GNG7: variants seen among roughly 807,000 people sequenced by gnomAD.
GNG7 encodes guanine nucleotide-binding protein G(I)/G(S)/G(O) subunit gamma-7.
GNG7 carries 1 observed loss-of-function variant against 4.0 expected under a neutral mutation model. That is an observed-to-expected ratio of 0.25 (90% CI 0.09 to 1.18). The LOEUF (loss-of-function observed/expected upper bound fraction) is 1.18. Ranked by LOEUF, GNG7 falls within the 50% of genes most tolerant of loss-of-function variation. The pLI, the probability that GNG7 is intolerant of heterozygous loss-of-function variation, is 0.50. For synonymous variants in GNG7, 34 were observed against 36.9 expected (o/e 0.92, Z 0.29); for missense variants, 86 against 91.9 (o/e 0.94, Z 0.26).
chr19:2,677,608 C>T (rs1983627015), intron 1 of GNG7, among the ~76,000 whole-genome samples: 1 of 152,196 alleles, frequency 6.6e-6, no homozygotes, highest in Non-Finnish European at 1.5e-5. Flanking sequence ...CGATTCTCCT[C>T]CTCTCTCCCT....
intron 2 of GNG7, among the ~76,000 whole-genome samples, chr19:2,635,187 ATGAG>A (rs1982273455): frequency 1.3e-5 from 2 of 152,150 alleles, no homozygotes; most frequent in African/African-American, 2.4e-5. Flanking sequence ...ATTGCCCCAG[ATGAG>A]TGAGGACAGA....
At chr19:2,657,510 C>G (rs1211686153) in intron 1 of GNG7, among the ~76,000 whole-genome samples, 6 of 149,968 alleles carry the variant, frequency 4.0e-5, no homozygotes, top group African/African-American at 1.5e-4. Context: ...TCATGTCCTG[C>G]TTTATAGGAC....
chr19:2,691,353 G>A (rs1913130937), intron 1 of GNG7, among the ~76,000 whole-genome samples: 1 of 151,946 alleles, frequency 6.6e-6, no homozygotes, highest in Non-Finnish European at 1.5e-5. Flanking sequence ...AGACCAACCT[G>A]GGCAACATGG....
At position 2,611,010 on chromosome 19, in the gene GNG7, G is replaced by C. The variant is rs958293337; in HGVS notation, c.-78+35214C>G. 7 of 121,964 alleles carry C rather than the reference G, an allele frequency of 5.7e-5. No individual in the cohort carries two copies. Among genetic ancestry groups the C allele is most frequent in the African/African-American group, 8.6e-5 (3 of 34,696 alleles). 7.6% of individuals were successfully genotyped at this position (121,964 alleles called of 1,614,324 possible). Reference sequence around the variant, plus strand: ...CGGGCTCACGTGCCAGGCTCGGGGGGGGGGAAGCGTCCTCAACATTCTCAG... The same window carrying C: ...CGGGCTCACGTGCCAGGCTCGGGGGCGGGGAAGCGTCCTCAACATTCTCAG... On this transcript the variant is annotated intron_variant, in intron 2 of 4. Transcript: ENST00000382159. This position sits in a 1 kb window ranked among gnomAD's most constrained non-coding sequence, Gnocchi z 6.0.
intron 2 of GNG7, among the ~76,000 whole-genome samples, chr19:2,608,770 C>T (rs1312955490): frequency 5.3e-5 from 8 of 152,230 alleles, no homozygotes; most frequent in Admixed American, 5.2e-4. Flanking sequence ...GGGCCTGCTG[C>T]GTTCCCCACT....
chr19:2,568,425 CACAT>C (rs1332117955), intron 2 of GNG7, among the ~76,000 whole-genome samples: 6 of 146,860 alleles, frequency 4.1e-5, no homozygotes, highest in Non-Finnish European at 7.5e-5. Flanking sequence ...TAGACATACA[CACAT>C]ACATATACAT....
chr19:2,677,777 G>A (rs1983630662), intron 1 of GNG7, among the ~76,000 whole-genome samples: 1 of 151,698 alleles, frequency 6.6e-6, no homozygotes, highest in South Asian at 2.1e-4. Flanking sequence ...ACTGGGCAAT[G>A]TCTGGGGACA....
chr19:2,636,905 C>G (rs1398597344), intron 2 of GNG7, among the ~76,000 whole-genome samples: 3 of 151,968 alleles, frequency 2.0e-5, no homozygotes, highest in African/African-American at 7.3e-5. Context: ...CCCACCTGAA[C>G]CCAACTACGC....
intron 3 of GNG7, among the ~76,000 whole-genome samples, chr19:2,544,985 C>T (rs563501815): frequency 6.6e-6 from 1 of 152,308 alleles, no homozygotes; most frequent in South Asian, 2.1e-4. Context: ...TGGTGTGAAC[C>T]AGGGGGACCC....
At chr19:2,602,901 C>CTTTTCTTTCT (rs377361649) in intron 2 of GNG7, among the ~76,000 whole-genome samples, 7 of 148,844 alleles carry the variant, frequency 4.7e-5, no homozygotes, top group Admixed American at 1.3e-4. Context: ...TTCTCTTTTT[C>CTTTTCTTTCT]TTTCTTTCTT....
chr19:2,648,991 C>T (rs371262587), intron 1 of GNG7, among the ~76,000 whole-genome samples: 2 of 151,308 alleles, frequency 1.3e-5, no homozygotes, highest in African/African-American at 4.9e-5. Context: ...TGGGCTCAAG[C>T]GATCCTCCTT....
At chr19:2,526,948 C>G (rs1013397478) in intron 3 of GNG7, among the ~76,000 whole-genome samples, 5 of 151,960 alleles carry the variant, frequency 3.3e-5, no homozygotes, top group Non-Finnish European at 5.9e-5. Context: ...TGAGTTCATG[C>G]CATTCTCCTG....
At chr19:2,625,025 C>T (rs1300798755) in intron 2 of GNG7, among the ~76,000 whole-genome samples, 2 of 152,160 alleles carry the variant, frequency 1.3e-5, no homozygotes, top group South Asian at 2.1e-4. Flanking sequence ...CCTGGGGGCT[C>T]GGGCCCTGTG....
At chr19:2,689,937 G>A (rs189366750) in intron 1 of GNG7, among the ~76,000 whole-genome samples, 1 of 152,272 alleles carries the variant, frequency 6.6e-6, no homozygotes, top group Non-Finnish European at 1.5e-5. Flanking sequence ...AGAATACACA[G>A]AGCAGTGTGC....
At chr19:2,537,728 T>C (rs1209679161) in intron 3 of GNG7, among the ~76,000 whole-genome samples, 1 of 151,610 alleles carries the variant, frequency 6.6e-6, no homozygotes, top group Non-Finnish European at 1.5e-5. Flanking sequence ...GGGGTTGTGG[T>C]GTTAGGCTGG....
chr19:2,550,069 C>T (rs1313946626), intron 3 of GNG7, among the ~76,000 whole-genome samples: 1 of 152,234 alleles, frequency 6.6e-6, no homozygotes, highest in Non-Finnish European at 1.5e-5. Flanking sequence ...GGAAATGTGG[C>T]TGCCTTGGGT....
chr19:2,590,052 T>G (rs1048978839), intron 2 of GNG7, among the ~76,000 whole-genome samples: 1 of 152,200 alleles, frequency 6.6e-6, no homozygotes, highest in African/African-American at 2.4e-5. Context: ...CCTCAAGTGA[T>G]CCACCTGCCT....
At chr19:2,580,325 C>G (rs1053151772) in intron 2 of GNG7, among the ~76,000 whole-genome samples, 1 of 147,682 alleles carries the variant, frequency 6.8e-6, no homozygotes, top group African/African-American at 2.5e-5. Flanking sequence ...GAGTCTCACT[C>G]TGTTGCCCAG....
intron 2 of GNG7, among the ~76,000 whole-genome samples, chr19:2,588,529 G>A (rs575793384): frequency 1.6e-4 from 24 of 152,362 alleles, no homozygotes; most frequent in Non-Finnish European, 2.9e-4. Flanking sequence ...AAAAAAGCAG[G>A]AGCCCAGGGC....
Sources: allele counts gnomAD v4.1 joint callset (sites outside exome capture counted in the v4.1 genomes callset), GRCh38; gene constraint gnomAD v4.1.1; non-coding constraint Gnocchi (gnomAD v3.1); transcripts MANE v1.5; gene names NCBI Gene and HGNC (gene_info 2026-07-23, HGNC 2026-07-21).